Variants in RSPH9 observed in about 807,000 individuals in gnomAD.
The protein encoded by RSPH9 is radial spoke head component 9, also known as radial spoke head protein 9 homolog.
In RSPH9, 27 loss-of-function variants were observed where a neutral mutation model predicts 27.0. That is an observed-to-expected ratio of 1.00 (90% CI 0.74 to 1.38). The LOEUF (loss-of-function observed/expected upper bound fraction) is 1.38. Ranked by LOEUF, RSPH9 falls within the 40% of genes most tolerant of loss-of-function variation. The pLI, the probability that RSPH9 is intolerant of heterozygous loss-of-function variation, is 0.00. For synonymous variants in RSPH9, 145 were observed against 147.7 expected, an observed-to-expected ratio of 0.98 and a Z score of 0.13; for missense variants, 347 against 357.4, an observed-to-expected ratio of 0.97 and a Z score of 0.24.
At chr6:43,646,954 CAA>C (rs781345040) in intron 1 of RSPH9, among the ~76,000 whole-genome samples, 6 of 70,044 alleles carry the variant, frequency 8.6e-5, no homozygotes, top group Admixed American at 1.7e-4. Context: ...GACTCCGTCT[CAA>C]AAAAAAAAAA....
intron 1 of RSPH9, among the ~76,000 whole-genome samples, chr6:43,649,194 T>G (rs969312385): frequency 9.9e-5 from 15 of 152,028 alleles, no homozygotes; most frequent in Admixed American, 2.6e-4. Flanking sequence ...TTTGTTTTTG[T>G]TTTGTTTTTT....
chr6:43,655,382 A>G lies in RSPH9; in HGVS notation c.394-180A>G, dbSNP rs369272788. On this transcript the variant is annotated intron_variant, in intron 2 of 4. Coordinates refer to ENST00000372163, the MANE Select transcript of RSPH9 (RefSeq NM_152732.5). Reference sequence around the variant, plus strand: ...ATGTATTACGAATTAAAAAACAAATAAAAAGAAAGGAAGAAAATCTTGATA... The same window carrying G: ...ATGTATTACGAATTAAAAAACAAATGAAAAGAAAGGAAGAAAATCTTGATA... 1.4e-3 allele frequency among the ~76,000 whole-genome samples: 215 copies of G among 152,338 alleles called. 1 individual carries two copies. Among genetic ancestry groups the G allele is most frequent in the African/African-American group, 4.7e-3 (194 of 41,584 alleles).
chr6:43,668,855 G>A (rs1158800075), intron 4 of RSPH9, among the ~76,000 whole-genome samples: 2 of 152,196 alleles, frequency 1.3e-5, no homozygotes, highest in Non-Finnish European at 2.9e-5. Context: ...GGTCCCTGAC[G>A]ATACTCTAGG....
chr6:43,666,350 G>A (rs969693554), intron 4 of RSPH9: 2 of 1,193,884 alleles, frequency 1.7e-6, no homozygotes, highest in Non-Finnish European at 2.4e-6. Context: ...AGTTCCCTGG[G>A]ACACCAGGAC....
chr6:43,660,712 C>G (rs896568310), intron 4 of RSPH9, among the ~76,000 whole-genome samples: 2 of 152,152 alleles, frequency 1.3e-5, no homozygotes, highest in African/African-American at 2.4e-5. Context: ...ATCTGCCAGT[C>G]TCGGCCTCCG....
chr6:43,671,457 G>A lies in RSPH9; in HGVS notation c.*508G>A. On this transcript the variant is annotated 3_prime_UTR_variant, in exon 5 of 5. Transcript: ENST00000372163. ...CAGTGAGCGCACACCCAATGGGTAA[G>A]CCCATGAACCCAGTTTATGACACTG... The A allele has an allele frequency of 2.1e-6, 1 of 470,306 alleles. No homozygotes were observed. Among genetic ancestry groups the A allele is most frequent in the Admixed American group, 3.7e-5 (1 of 27,340 alleles). 29.1% of individuals were successfully genotyped at this position (470,306 alleles called of 1,614,324 possible).
At chr6:43,656,526 C>T (rs758197332) in intron 3 of RSPH9, 51 bp from the exon 4 acceptor site, 9 of 1,610,446 alleles carry the variant, frequency 5.6e-6, no homozygotes, top group South Asian at 1.1e-5. Flanking sequence ...AGAAAGGGGG[C>T]TGGGGGGTTT....
intron 1 of RSPH9, among the ~76,000 whole-genome samples, chr6:43,648,335 T>C (rs1313852570): frequency 6.6e-6 from 1 of 152,072 alleles, no homozygotes; most frequent in Admixed American, 6.6e-5. Context: ...ATAGCCTCTT[T>C]GATAAGGTCA....
At chr6:43,650,842 T>C (rs1397031262) in intron 2 of RSPH9, among the ~76,000 whole-genome samples, 1 of 150,848 alleles carries the variant, frequency 6.6e-6, no homozygotes, top group Non-Finnish European at 1.5e-5. Flanking sequence ...GGAGGTGAGC[T>C]TGCAGTGAGC....
chr6:43,651,629 A>G (rs1302795293), intron 2 of RSPH9, among the ~76,000 whole-genome samples: 1 of 151,518 alleles, frequency 6.6e-6, no homozygotes, highest in African/African-American at 2.4e-5. Flanking sequence ...GCTCACTGCA[A>G]CCTCCGCCTC....
chr6:43,655,504 G>C (rs944706263), intron 2 of RSPH9, 58 bp from the exon 3 acceptor site: 2 of 1,610,004 alleles, frequency 1.2e-6, no homozygotes, highest in Non-Finnish European at 1.7e-6. Context: ...GAGGGACCTT[G>C]CGCCGGGGTG....
In RSPH9 at chr6:43,668,158, G is replaced by A. The variant is rs184054521; in HGVS notation, c.671-2631G>A. Among the ~76,000 whole-genome samples the A allele has an allele frequency of 4.6e-5, 7 of 152,314 alleles. No individual in the cohort carries two copies. In the East Asian group the frequency reaches 1.4e-3, roughly 29 times the overall value. ...TGAACCTGCAGCACCAAGTCTGCAG[G>A]GGGCTTTTCCCCGAGTCCTGGAGGC... On this transcript the variant is annotated intron_variant, in intron 4 of 4. Coordinates refer to ENST00000372163, the MANE Select transcript of RSPH9 (RefSeq NM_152732.5).
At chr6:43,652,736 T>A (rs1422483649) in intron 2 of RSPH9, among the ~76,000 whole-genome samples, 1 of 151,588 alleles carries the variant, frequency 6.6e-6, no homozygotes, top group Non-Finnish European at 1.5e-5. Context: ...TCCGGTTTTT[T>A]TTTTTTTTTT....
intron 2 of RSPH9, among the ~76,000 whole-genome samples, chr6:43,652,379 A>G (rs977038020): frequency 1.1e-4 from 16 of 150,322 alleles, no homozygotes; most frequent in African/African-American, 3.7e-4. Flanking sequence ...TCACCTAATG[A>G]TATATTTTGG....
At chr6:43,661,922 CTG>C (rs1772673449) in intron 4 of RSPH9, among the ~76,000 whole-genome samples, 2 of 152,180 alleles carry the variant, frequency 1.3e-5, no homozygotes, top group Non-Finnish European at 2.9e-5. Flanking sequence ...GAGTCTCACT[CTG>C]TTGCACAGGC....
At chr6:43,645,364 TA>T in intron 1 of RSPH9, 39 bp downstream of exon 1, 1 of 386,104 alleles carries the variant, frequency 2.6e-6, no homozygotes, top group Non-Finnish European at 4.6e-6. Context: ...AGAGGGTGGC[TA>T]CCTGGAGGCA....
rs1268715080 is a variant in RSPH9, at chr6:43,650,500, A to C, written c.353A>C (p.Lys118Thr). 1 of 1,614,206 alleles carries C rather than the reference A, an allele frequency of 6.2e-7. No individual in the cohort carries two copies. The highest frequency in any genetic ancestry group is 1.1e-5 in the South Asian group (1 of 91,082). Residue 118 changes from lysine (K) to threonine (T), a missense_variant, in exon 2 of 5, where the codon AAG becomes ACG. Transcript: ENST00000372163. ...SYEYEHTELQ[K>T]VNEGEKVFEE... is the part of the protein sequence containing the mutation. The stretch of plus-strand genomic sequence containing the variant: ...GAATATGAACACACTGAGCTGCAGA[A>C]GGTGAATGAAGGTGAAAAAGTCTTT...
Position 43,671,071 on chromosome 6 carries a change from C to G in RSPH9, c.*122C>G. 1 of 1,256,278 alleles carries G rather than the reference C, an allele frequency of 8.0e-7. No homozygotes were observed. The highest frequency in any genetic ancestry group is 1.3e-5 in the South Asian group (1 of 75,792). The allele number at this position is 1,256,278 out of a possible 1,614,324, so 77.8% of individuals were successfully genotyped here. On this transcript the variant is annotated 3_prime_UTR_variant, in exon 5 of 5. Transcript: ENST00000372163. ...CTCCACCTCCGTCTGGTTCCAGATT[C>G]TGAAAGGCCCACTGAGCCAGGGAGC...
rs1771949522 is a variant in RSPH9, at chr6:43,655,842, C to T, written c.523+151C>T. The T allele has an allele frequency of 5.3e-6, 5 of 942,668 alleles. No homozygotes were observed. The South Asian group carries it at 6.0e-5, about 11-fold the overall frequency. 58.4% of individuals were successfully genotyped at this position (942,668 alleles called of 1,614,324 possible). ...TCACCTGGGAGGGTGTGCCCAGTGA[C>T]CTGGCACCAGTGGTCGGTATGGGCT... On this transcript the variant is annotated intron_variant, in intron 3 of 4. Transcript: ENST00000372163.
Sources: gnomAD v4.1 joint callset for allele counts (sites outside exome capture counted in the v4.1 genomes callset) on GRCh38, gnomAD v4.1.1 for gene constraint, MANE v1.5 for transcripts, NCBI Gene and HGNC (gene_info 2026-07-23, HGNC 2026-07-21) for gene names.